Variants in SUMF1 observed in about 807,000 individuals in gnomAD.
The protein encoded by SUMF1 is formylglycine-generating enzyme.
A neutral mutation model predicts 47.6 loss-of-function variants in SUMF1; 48 were observed. The ratio of observed to expected loss-of-function variants is 1.01; its 90% CI spans 0.80 to 1.28. The LOEUF (loss-of-function observed/expected upper bound fraction) is 1.28, where lower values mean the gene tolerates loss of function less well. Among genes scored for constraint, SUMF1 ranks in the 50% most tolerant of loss-of-function variants. SUMF1 has a pLI of 0.00. For missense variants in SUMF1, 571 were observed against 485.4 expected (o/e 1.18, Z -1.66); for synonymous variants, 230 against 192.1 (o/e 1.20, Z -1.63).
chr3:4,193,647 A>G (rs2629244), intron 8 of SUMF1, among the ~76,000 whole-genome samples: 100,088 of 151,952 alleles, frequency 0.66, 33,085 homozygotes, highest in South Asian at 0.71. Context: ...ATAGTGTCAT[A>G]AAAGTAATGC....
chr3:4,141,177 C>T (rs1373081826), intron 8 of SUMF1, among the ~76,000 whole-genome samples: 1 of 152,076 alleles, frequency 6.6e-6, no homozygotes, highest in East Asian at 1.9e-4. Flanking sequence ...TTTTGCAAGG[C>T]CATGTGTACT....
chr3:4,148,029 C>G (rs1460313188), intron 8 of SUMF1, among the ~76,000 whole-genome samples: 1 of 152,042 alleles, frequency 6.6e-6, no homozygotes, highest in Non-Finnish European at 1.5e-5. Flanking sequence ...TCCTTTGGCA[C>G]ATTTTAAAAA....
At chr3:4,296,555 C>T (rs1306645097) in intron 8 of SUMF1, among the ~76,000 whole-genome samples, 1 of 152,076 alleles carries the variant, frequency 6.6e-6, no homozygotes, top group African/African-American at 2.4e-5. Context: ...GCAAGATAAG[C>T]GTGTGCAGGG....
chr3:4,450,707 G>C (rs1702940665), intron 2 of SUMF1, among the ~76,000 whole-genome samples: 1 of 152,140 alleles, frequency 6.6e-6, no homozygotes, highest in African/African-American at 2.4e-5. Flanking sequence ...TTGTAAGGTA[G>C]AGTGTCATGA....
chr3:4,204,027 C>A (rs923727519), intron 8 of SUMF1, among the ~76,000 whole-genome samples: 1 of 151,990 alleles, frequency 6.6e-6, no homozygotes, highest in African/African-American at 2.4e-5. Flanking sequence ...ACCACAATTA[C>A]AGTGTTGTAA....
Position 4,432,249 on chromosome 3 carries a change from C to G in SUMF1, c.520-12103G>C, listed in dbSNP as rs150729076. ...CAAAACCCAGGAGTCATACTAGATT[C>G]CTGTCTTTTCTTTTCTCTCTATGCT... is the stretch of plus-strand genomic sequence containing the variant. On this transcript the variant is annotated intron_variant, in intron 3 of 8. Transcript: ENST00000272902. Among the ~76,000 whole-genome samples the G allele has an allele frequency of 2.0e-5, 3 of 151,362 alleles. No individual in the cohort carries two copies. The East Asian group carries it at 5.8e-4, about 29-fold the overall frequency.
intron 8 of SUMF1, among the ~76,000 whole-genome samples, chr3:4,135,047 G>A (rs773784656): frequency 3.9e-5 from 6 of 152,054 alleles, no homozygotes; most frequent in Admixed American, 6.5e-5. Flanking sequence ...AGAGGTACAC[G>A]GAGGAGCTGG....
intron 7 of SUMF1, among the ~76,000 whole-genome samples, chr3:4,376,620 T>C (rs1169330010): frequency 2.0e-5 from 3 of 152,226 alleles, no homozygotes; most frequent in Admixed American, 6.5e-5. Context: ...TTTGGTGAAG[T>C]CTTCGTAACT....
At chr3:4,129,010 T>A (rs1204895553) in intron 8 of SUMF1, among the ~76,000 whole-genome samples, 1 of 152,144 alleles carries the variant, frequency 6.6e-6, no homozygotes, top group Non-Finnish European at 1.5e-5. Flanking sequence ...ATCCAAAGGC[T>A]TAGGCAGATT....
At chr3:4,225,574 T>G (rs1696155754) in intron 8 of SUMF1, among the ~76,000 whole-genome samples, 1 of 152,068 alleles carries the variant, frequency 6.6e-6, no homozygotes, top group Admixed American at 6.5e-5. Context: ...CTAACACACA[T>G]GCAGACAAAC....
intron 8 of SUMF1, among the ~76,000 whole-genome samples, chr3:4,257,574 AAGG>A (rs1471024797): frequency 2.0e-4 from 29 of 146,562 alleles, no homozygotes; most frequent in African/African-American, 6.4e-4. Context: ...GGACCTCTTC[AAGG>A]AGAACTACAA....
At chr3:4,263,209 G>A (rs1418422347) in intron 8 of SUMF1, among the ~76,000 whole-genome samples, 1 of 152,128 alleles carries the variant, frequency 6.6e-6, no homozygotes, top group Non-Finnish European at 1.5e-5. Flanking sequence ...GCCTCTCCAT[G>A]TGTATAATCT....
chr3:4,280,031 T>C (rs554173949), intron 8 of SUMF1, among the ~76,000 whole-genome samples: 2 of 152,288 alleles, frequency 1.3e-5, no homozygotes, highest in South Asian at 2.1e-4. Context: ...ACTAGCCATC[T>C]GTAAGAAGAC....
rs377397654 is a variant in SUMF1, at chr3:4,103,945, C to A, written c.1015-35200G>T. Among the ~76,000 whole-genome samples, 6 of 152,114 alleles carry A rather than the reference C, an allele frequency of 3.9e-5. No individual in the cohort carries two copies. In the East Asian group the frequency reaches 9.6e-4, roughly 24 times the overall value. ...TGATAACACAGAGTTTACTTGACAG[C>A]AAAATTTTCTGTGGTTAACCTAAGT... On this transcript the variant is annotated intron_variant and NMD_transcript_variant, in intron 8 of 12. Transcript: ENST00000448413.
chr3:4,386,327 T>C (rs1700673081), intron 7 of SUMF1, among the ~76,000 whole-genome samples: 1 of 152,176 alleles, frequency 6.6e-6, no homozygotes, highest in Non-Finnish European at 1.5e-5. Flanking sequence ...ACTAAACACA[T>C]TTTATTAGAT....
chr3:4,034,534 C>T (rs965112431), intron 9 of SUMF1, among the ~76,000 whole-genome samples: 4 of 152,090 alleles, frequency 2.6e-5, no homozygotes, highest in Non-Finnish European at 4.4e-5. Flanking sequence ...GCTTCCTGTC[C>T]CTCTCCCAAA....
At chr3:4,132,475 C>T (rs149040886) in intron 8 of SUMF1, among the ~76,000 whole-genome samples, 1,729 of 152,180 alleles carry the variant, frequency 0.011, 12 homozygotes, top group Non-Finnish European at 0.019. Context: ...AATCACCATC[C>T]AATATATGGT....
chr3:4,059,347 C>T (rs1695241381), intron 9 of SUMF1, among the ~76,000 whole-genome samples: 1 of 152,120 alleles, frequency 6.6e-6, no homozygotes, highest in African/African-American at 2.4e-5. Flanking sequence ...ACTGTCCCTT[C>T]TATGCTCATA....
At chr3:4,051,178 A>G (rs1695105089) in intron 9 of SUMF1, among the ~76,000 whole-genome samples, 1 of 151,974 alleles carries the variant, frequency 6.6e-6, no homozygotes, top group South Asian at 2.1e-4. Flanking sequence ...AAGCTCCTAA[A>G]ACAACTGGAA....
Sources: gnomAD v4.1 joint callset for allele counts (sites outside exome capture counted in the v4.1 genomes callset) on GRCh38, gnomAD v4.1.1 for gene constraint, MANE v1.5 for transcripts, NCBI Gene and HGNC (gene_info 2026-07-23, HGNC 2026-07-21) for gene names.